The following MAN2B2 variants were observed in gnomAD, a reference collection of about 807,000 sequenced individuals.
MAN2B2 encodes mannosidase alpha class 2B member 2, also known as epididymis-specific alpha-mannosidase.
In MAN2B2, 106 loss-of-function variants were observed where a neutral mutation model predicts 117.1. That is an observed-to-expected ratio of 0.90 (90% confidence interval 0.77 to 1.06). The LOEUF (loss-of-function observed/expected upper bound fraction) is 1.06. Ranked by LOEUF, MAN2B2 falls within the 50% of genes least tolerant of loss-of-function variation. The probability of loss-of-function intolerance (pLI) is 0.00; values close to 1 mark genes in which losing one functional copy is unlikely to be tolerated. For synonymous variants in MAN2B2, 544 were observed against 595.1 expected (o/e 0.91, Z 1.25); for missense variants, 1,326 against 1,381.4 (o/e 0.96, Z 0.64).
chr4:6,576,371 C>T (rs1577267139), intron 1 of MAN2B2, among the ~76,000 whole-genome samples: 1 of 152,200 alleles, frequency 6.6e-6, no homozygotes, highest in African/African-American at 2.4e-5. Flanking sequence ...TCTGTTTCCC[C>T]GTCCCTCTCC....
In MAN2B2 at chr4:6,589,065, A is replaced by C; in HGVS notation, c.585A>C (p.Arg195=). 6.2e-7 allele frequency: 1 copy of C among 1,614,056 alleles called. No individual in the cohort carries two copies. Among genetic ancestry groups the C allele is most frequent in the Non-Finnish European group, 8.5e-7 (1 of 1,179,976 alleles). The change falls in exon 5 of 19, where the codon CGA becomes CGC. Residue 195 remains arginine, a synonymous_variant. Transcript: ENST00000285599. ...TGCAGGGGCTGCAGTTCGTGTGGCG[A>C]GGGTCCCCATCCCTCTCAGAGCGGC... ...QEARGLQFVW[R]GSPSLSERQE...
Position 6,578,431 on chromosome 4 carries a change from C to A in MAN2B2, c.324C>A (p.Val108=). 6.2e-7 allele frequency: 1 copy of A among 1,613,728 alleles called. No individual in the cohort carries two copies. The highest frequency in any genetic ancestry group is 1.1e-5 in the South Asian group (1 of 91,010). The change falls in exon 3 of 19, where the codon GTC becomes GTA. Residue 108 remains valine (V), a synonymous_variant. Coordinates refer to ENST00000285599, the MANE Select transcript of MAN2B2 (RefSeq NM_015274.3). ...QLLEEGRLEF[V]IGGQVMHDEA... Reference sequence around the variant, plus strand: ...TGGAGGAAGGACGCCTGGAATTTGTCATCGGAGGCCAGGTCATGCATGACG... The same window carrying A: ...TGGAGGAAGGACGCCTGGAATTTGTAATCGGAGGCCAGGTCATGCATGACG...
chr4:6,620,313 T>G (rs1344577007), intron 18 of MAN2B2: 1 of 348,782 alleles, frequency 2.9e-6, no homozygotes, highest in African/African-American at 2.1e-5. Context: ...GCCTGTGCCC[T>G]GGGTGACAGC....
intron 17 of MAN2B2, chr4:6,618,795 G>A (rs1385390245): frequency 1.3e-5 from 2 of 152,224 alleles, no homozygotes; most frequent in African/African-American, 4.8e-5. Flanking sequence ...GAGTCTTCAG[G>A]GGAATCCAGA....
chr4:6,597,899 G>A (rs1727166614), intron 8 of MAN2B2, among the ~76,000 whole-genome samples: 1 of 152,186 alleles, frequency 6.6e-6, no homozygotes, highest in Non-Finnish European at 1.5e-5. Flanking sequence ...TCCCCAAAAG[G>A]AGCTGCTGGC....
chr4:6,610,984 G>A lies in MAN2B2; in HGVS notation c.2364G>A (p.Gln788=). The change falls in exon 14 of 19, where the codon CAG becomes CAA. Residue 788 remains glutamine, a synonymous_variant. Coordinates refer to ENST00000285599, the MANE Select transcript of MAN2B2 (RefSeq NM_015274.3). ...AHGISSQGNG[Q]VEVMLHRRLW... ...GCATCTCCAGCCAAGGGAATGGGCA[G>A]GTGGAGGTAGGAGGCACGGTCTGTC... is the stretch of plus-strand genomic sequence containing the variant. 6.2e-7 allele frequency: 1 copy of A among 1,614,198 alleles called. No homozygotes were observed. The highest frequency in any genetic ancestry group is 8.5e-7 in the Non-Finnish European group (1 of 1,180,010).
chr4:6,598,933 G>C (rs1164796145), intron 9 of MAN2B2, among the ~76,000 whole-genome samples: 1 of 152,230 alleles, frequency 6.6e-6, no homozygotes, highest in Non-Finnish European at 1.5e-5. Context: ...CACGTGTAGA[G>C]TGACTGATCA....
rs1712168973 is a variant in MAN2B2, at chr4:6,621,458, CA to C, written c.*178del. ...GGGGTTTTTCCCTAATTTTTTTAAA[CA>C]AAAATTACATTACAAGATCCAGGTT... On this transcript the variant is annotated 3_prime_UTR_variant, in exon 19 of 19. Transcript: ENST00000285599. 25 of 572,700 alleles carry C rather than the reference CA, an allele frequency of 4.4e-5. No homozygotes were observed. The South Asian group carries it at 5.8e-4, about 13-fold the overall frequency. The allele number at this position is 572,700 out of a possible 1,614,324, so 35.5% of individuals were successfully genotyped here. A position where few individuals can be genotyped will look rare whatever the true frequency, so the allele number is the denominator to read the frequency against.
chr4:6,615,594 C>T (rs754039873), intron 16 of MAN2B2, among the ~76,000 whole-genome samples: 2 of 151,944 alleles, frequency 1.3e-5, no homozygotes, highest in East Asian at 1.9e-4. Flanking sequence ...GCCAGGAGTT[C>T]GAGACCAGCC....
chr4:6,586,684 G>T (rs1158672591), intron 3 of MAN2B2, among the ~76,000 whole-genome samples: 1 of 152,176 alleles, frequency 6.6e-6, no homozygotes, highest in Non-Finnish European at 1.5e-5. Flanking sequence ...GAGGCCAAGA[G>T]CTTCAACTTG....
chr4:6,577,294 G>T (rs560790909), intron 2 of MAN2B2, among the ~76,000 whole-genome samples: 103 of 152,266 alleles, frequency 6.8e-4, no homozygotes, highest in African/African-American at 2.4e-3. Flanking sequence ...GGGGGTGACC[G>T]CCCCATTGCA....
intron 3 of MAN2B2, among the ~76,000 whole-genome samples, chr4:6,585,821 CATGTGA>C (rs1176496280): frequency 6.6e-6 from 1 of 152,142 alleles, no homozygotes; most frequent in African/African-American, 2.4e-5. Context: ...AGTTCCTCGC[CATGTGA>C]CTGGTCATGG....
Position 6,587,015 on chromosome 4 carries a change from T to C in MAN2B2, c.411T>C (p.Tyr137=). 6.2e-7 allele frequency: 1 copy of C among 1,613,946 alleles called. No individual in the cohort carries two copies. The highest frequency in any genetic ancestry group is 8.5e-7 in the Non-Finnish European group (1 of 1,179,952). The change falls in exon 4 of 19, where the codon TAT becomes TAC. Residue 137 remains tyrosine, a synonymous_variant. Transcript: ENST00000285599. The part of the protein sequence containing the change: ...LQLTEGHGFL[Y]ETFGIRPQFS... Reference sequence around the variant, plus strand: ...TTGCAGAAGGACACGGGTTTCTCTATGAAACATTTGGGATCCGGCCACAGT... The same window carrying C: ...TTGCAGAAGGACACGGGTTTCTCTACGAAACATTTGGGATCCGGCCACAGT...
chr4:6,620,094 C>T (rs1712097710), intron 18 of MAN2B2, 50 bp downstream of exon 18: 1 of 1,493,408 alleles, frequency 6.7e-7, no homozygotes, highest in East Asian at 2.4e-5. Context: ...CAGCCAGGCT[C>T]AGCAGCTGGT....
intron 4 of MAN2B2, among the ~76,000 whole-genome samples, chr4:6,588,133 A>G (rs1245402591): frequency 6.6e-6 from 1 of 152,030 alleles, no homozygotes; most frequent in Non-Finnish European, 1.5e-5. Context: ...CTGCCATAAC[A>G]AAGGACCACA....
intron 17 of MAN2B2, 78 bp from the exon 18 acceptor site, chr4:6,619,849 G>A: frequency 7.6e-7 from 1 of 1,317,762 alleles, no homozygotes; most frequent in Non-Finnish European, 1.1e-6. Flanking sequence ...TGGTGTGTCT[G>A]CCCTGCTGCT....
chr4:6,611,398 C>A (rs541650138), intron 15 of MAN2B2, 120 bp downstream of exon 15: 2 of 980,904 alleles, frequency 2.0e-6, no homozygotes, highest in Non-Finnish European at 2.9e-6. Context: ...AGGAAGCGAC[C>A]TCAGGGACCT....
At chr4:6,591,503 TC>T (rs1726859043) in intron 5 of MAN2B2, among the ~76,000 whole-genome samples, 1 of 152,162 alleles carries the variant, frequency 6.6e-6, no homozygotes, top group South Asian at 2.1e-4. Context: ...CGTGAGTGGC[TC>T]ATTTGAATAA....
chr4:6,608,814 A>G (rs1727643338), intron 11 of MAN2B2, among the ~76,000 whole-genome samples: 1 of 152,108 alleles, frequency 6.6e-6, no homozygotes, highest in Non-Finnish European at 1.5e-5. Context: ...TGCAGACCAC[A>G]GCCTGGGTGA....
Sources: gnomAD v4.1 joint callset for allele counts (sites outside exome capture counted in the v4.1 genomes callset) on GRCh38, gnomAD v4.1.1 for gene constraint, MANE v1.5 for transcripts, NCBI Gene and HGNC (gene_info 2026-07-23, HGNC 2026-07-21) for gene names.